Variants in ATAD2 observed in about 807,000 individuals in gnomAD.
ATAD2 encodes ATPase family AAA domain-containing protein 2.
A neutral mutation model predicts 168.9 loss-of-function variants in ATAD2; 62 were observed. That is an observed-to-expected ratio of 0.37 (90% CI 0.30 to 0.45). The LOEUF is 0.45. Among genes scored for constraint, ATAD2 ranks in the 20% least tolerant of loss-of-function variants. ATAD2 has a pLI of 1.00. For missense variants in ATAD2, 1,419 were observed against 1,667.8 expected, an observed-to-expected ratio of 0.85 and a Z score of 2.60; for synonymous variants, 613 against 571.6, an observed-to-expected ratio of 1.07 and a Z score of -1.03.
intron 8 of ATAD2, among the ~76,000 whole-genome samples, chr8:123,364,891 C>T (rs1322814496): frequency 6.6e-6 from 1 of 152,152 alleles, no homozygotes; most frequent in Non-Finnish European, 1.5e-5. Context: ...ACTCTCACCA[C>T]TTCTATTCAA....
intron 23 of ATAD2, 71 bp downstream of exon 23, chr8:123,334,129 C>T: frequency 6.5e-7 from 1 of 1,541,560 alleles, no homozygotes; most frequent in Non-Finnish European, 8.7e-7. Context: ...TCAGATGCTT[C>T]TGAAATTCAT....
At chr8:123,362,443 C>T (rs1828856192) in intron 8 of ATAD2, among the ~76,000 whole-genome samples, 1 of 150,512 alleles carries the variant, frequency 6.6e-6, no homozygotes, top group African/African-American at 2.5e-5. Context: ...CTTCGTCTCG[C>T]TCTATAGCCC....
intron 13 of ATAD2, 92 bp downstream of exon 13, chr8:123,356,297 G>A: frequency 2.8e-6 from 3 of 1,063,490 alleles, no homozygotes; most frequent in Non-Finnish European, 4.1e-6. Flanking sequence ...AGCTTATAAA[G>A]TTTCTTTCAC....
chr8:123,373,637 A>T (rs796846083), intron 2 of ATAD2, among the ~76,000 whole-genome samples: 4 of 151,940 alleles, frequency 2.6e-5, no homozygotes, highest in African/African-American at 9.7e-5. Flanking sequence ...AAATACAAAA[A>T]AATTAGCCAG....
At chr8:123,347,858 TAAAGA>T (rs377021680) in intron 15 of ATAD2, among the ~76,000 whole-genome samples, 5 of 152,148 alleles carry the variant, frequency 3.3e-5, no homozygotes, top group African/African-American at 1.2e-4. Context: ...AAATGGTCAG[TAAAGA>T]ATAGCTATTA....
At chr8:123,380,061 T>C (rs1446996948) in intron 2 of ATAD2, among the ~76,000 whole-genome samples, 1 of 151,824 alleles carries the variant, frequency 6.6e-6, no homozygotes, top group Non-Finnish European at 1.5e-5. Flanking sequence ...TAATTTTGTA[T>C]ATATTTTTTT....
At chr8:123,386,753 A>G (rs1160745056) in intron 1 of ATAD2, among the ~76,000 whole-genome samples, 2 of 152,126 alleles carry the variant, frequency 1.3e-5, no homozygotes, top group African/African-American at 4.8e-5. Context: ...ACAAAACAAG[A>G]AAAGGGGTGG....
In ATAD2 at chr8:123,368,596, T is replaced by C. The variant is rs148726646; in HGVS notation, c.1049+462A>G. On this transcript the variant is annotated intron_variant, in intron 8 of 27. Coordinates refer to ENST00000287394, the MANE Select transcript of ATAD2 (RefSeq NM_014109.4). ...GAAGAGGAATAAATTATAAAATAGATCCAGAAAAAGATAACCAGAGTCATG... is the reference window on the plus strand; with the variant it reads ...GAAGAGGAATAAATTATAAAATAGACCCAGAAAAAGATAACCAGAGTCATG... Among the ~76,000 whole-genome samples the C allele has an allele frequency of 3.3e-3, 496 of 152,018 alleles. 2 individuals are homozygous for C. The highest frequency in any genetic ancestry group is 0.014 in the Middle Eastern group (4 of 292).
chr8:123,381,909 G>C (rs1829504382), intron 1 of ATAD2, among the ~76,000 whole-genome samples: 1 of 152,132 alleles, frequency 6.6e-6, no homozygotes, highest in Non-Finnish European at 1.5e-5. Flanking sequence ...AGCTGGGCCT[G>C]GTGGTGCGTG....
chr8:123,337,722 G>GTA lies in ATAD2; in HGVS notation c.2952_2953dup (p.Thr985IlefsTer6). 1 of 1,613,844 alleles carries GTA rather than the reference G, an allele frequency of 6.2e-7. No individual in the cohort carries two copies. Among genetic ancestry groups the GTA allele is most frequent in the East Asian group, 2.2e-5 (1 of 44,854 alleles). On this transcript the variant is annotated frameshift_variant, in exon 21 of 28. Transcript: ENST00000287394. LOFTEE classifies it high-confidence loss of function. ...TAAGAAAATCCTCAGTTCTCTAAAT[G>GTA]TATCTTCTTCTTGTTCTTCTAGTCG...
chr8:123,369,963 T>C lies in ATAD2; in HGVS notation c.789A>G (p.Glu263=). The change falls in exon 7 of 28, where the codon GAA becomes GAG. Residue 263 remains glutamate, a synonymous_variant. Coordinates refer to ENST00000287394, the MANE Select transcript of ATAD2 (RefSeq NM_014109.4). ...HEDDGEDEDD[E]DDDDDDDDDD... is the part of the protein sequence containing the mutation. ...CATCATCGTCATCATCATCATCATC[T>C]TCATCATCTTCATCTTCACCATCAT... 6.4e-7 allele frequency: 1 copy of C among 1,564,406 alleles called. No individual in the cohort carries two copies. Among genetic ancestry groups the C allele is most frequent in the East Asian group, 2.2e-5 (1 of 44,514 alleles).
In ATAD2 at chr8:123,357,571, C is replaced by T; in HGVS notation, c.1548G>A (p.Leu516=). ...AATGTTAATATCATACCTGATCAAA[C>T]AGCAATCGTAGCTGTCTTTCAGATT... The part of the protein sequence containing the change: ...VGESERQLRL[L]FDQAYQMRPS... The change falls in exon 12 of 28, where the codon CTG becomes CTA. Residue 516 remains leucine (L), a synonymous_variant. Coordinates refer to ENST00000287394, the MANE Select transcript of ATAD2 (RefSeq NM_014109.4). The T allele has an allele frequency of 6.2e-7, 1 of 1,612,610 alleles. No homozygotes were observed. Among genetic ancestry groups the T allele is most frequent in the African/African-American group, 1.3e-5 (1 of 74,982 alleles).
intron 1 of ATAD2, among the ~76,000 whole-genome samples, chr8:123,393,322 G>A (rs1206908485): frequency 2.0e-5 from 3 of 152,014 alleles, no homozygotes; most frequent in African/African-American, 7.3e-5. Flanking sequence ...ACCAGCCTGA[G>A]CAACATAGTG....
chr8:123,401,127 G>C, upstream of ATAD2: 1 of 1,275,040 alleles, frequency 7.8e-7, no homozygotes, highest in Non-Finnish European at 1.1e-6. Context: ...CAAGGATTGA[G>C]CTGGTGGTGG....
intron 1 of ATAD2, among the ~76,000 whole-genome samples, chr8:123,412,889 C>T (rs1209049198): frequency 6.6e-6 from 1 of 152,096 alleles, no homozygotes; most frequent in Non-Finnish European, 1.5e-5. Context: ...CATTAAAATG[C>T]CTGCTTAAGA....
rs1027601211 is a variant in ATAD2 at position 123,320,118 on chromosome 8, A to G, written c.*1016T>C. ...AAATCCAGATAAATCAACAACAAAA[A>G]TACAGCTCAACTTTGAACTGCATTA... On this transcript the variant is annotated 3_prime_UTR_variant, in exon 28 of 28. Transcript: ENST00000287394. The G allele has an allele frequency of 6.6e-6, 1 of 152,178 alleles. No individual in the cohort carries two copies. The highest frequency in any genetic ancestry group is 1.5e-5 in the Non-Finnish European group (1 of 68,016). The allele number at this position is 152,178 out of a possible 1,614,324, so 9.4% of individuals were successfully genotyped here.
At chr8:123,374,282 G>A (rs911671828) in intron 2 of ATAD2, among the ~76,000 whole-genome samples, 1 of 152,182 alleles carries the variant, frequency 6.6e-6, no homozygotes. Flanking sequence ...GAACCTGGGA[G>A]GCAGTGGCTG....
At chr8:123,359,136 A>C in intron 11 of ATAD2, 85 bp downstream of exon 11, 1 of 876,426 alleles carries the variant, frequency 1.1e-6, no homozygotes, top group Non-Finnish European at 1.7e-6. Flanking sequence ...TCACTTAAAA[A>C]TGGGTTAATA....
Position 123,346,091 on chromosome 8 carries a change from C to A in ATAD2, c.2527G>T (p.Ala843Ser). ...VSTTSPEETCAQVIREAKRTA... is the reference protein window; with the variant it reads ...VSTTSPEETCSQVIREAKRTA... ...CTTGGGCACCAACAAATTACCTGGG[C>A]ACATGTTTCTTCAGGGGATGTAGTA... The change falls in exon 18 of 28, where the codon GCC (alanine) becomes TCC (serine). Residue 843 changes from alanine to serine, a missense_variant. This residue lies in a region of ATAD2 where 545 missense variants were observed against 724.9 expected (regional missense o/e 0.75). Coordinates refer to ENST00000287394, the MANE Select transcript of ATAD2 (RefSeq NM_014109.4). 1 of 1,526,282 alleles carries A rather than the reference C, an allele frequency of 6.6e-7. No individual in the cohort carries two copies. The allele number at this position is 1,526,282 out of a possible 1,614,324, so 94.5% of individuals were successfully genotyped here. A position where few individuals can be genotyped will look rare whatever the true frequency, so the allele number is the denominator to read the frequency against.
Sources: allele counts gnomAD v4.1 joint callset (sites outside exome capture counted in the v4.1 genomes callset), GRCh38; gene constraint gnomAD v4.1.1; regional missense constraint gnomAD v4.1.1; transcripts MANE v1.5; gene names NCBI Gene and HGNC (gene_info 2026-07-23, HGNC 2026-07-21).